The following TMEM8B variants were observed in gnomAD, a reference collection of about 807,000 sequenced individuals.
TMEM8B encodes nasopharyngeal carcinoma expressed 6.
In TMEM8B, 29 loss-of-function variants were observed where a neutral mutation model predicts 49.3. The ratio of observed to expected loss-of-function variants is 0.59; its 90% confidence interval spans 0.44 to 0.80. The LOEUF (loss-of-function observed/expected upper bound fraction) is 0.80. Ranked by LOEUF, TMEM8B falls within the 30% of genes least tolerant of loss-of-function variation. TMEM8B has a pLI of 0.00. For missense variants in TMEM8B, 575 were observed against 658.5 expected (o/e 0.87, Z 1.39); for synonymous variants, 264 against 272.8 (o/e 0.97, Z 0.32).
At chr9:35,844,042 G>A (rs545863787) in intron 6 of TMEM8B, among the ~76,000 whole-genome samples, 8 of 152,312 alleles carry the variant, frequency 5.3e-5, no homozygotes, top group Admixed American at 4.6e-4. Flanking sequence ...GGGTTTACAA[G>A]TGTGAGCCAC....
Position 35,853,110 on chromosome 9 carries a change from C to T in TMEM8B, c.2323-31C>T, listed in dbSNP as rs1157709040. 1.6e-5 allele frequency: 26 copies of T among 1,610,816 alleles called. No homozygotes were observed. In the Admixed American group the frequency reaches 4.3e-4, roughly 27 times the overall value. ...CCTGGAGTGCTGTCTGTCACCTGGC[C>T]CTAGCCCAGCCCTTGAGTCTCTTTC... On this transcript the variant is annotated intron_variant, in intron 11 of 12. Coordinates refer to ENST00000643932, the MANE Select transcript of TMEM8B (RefSeq NM_001042590.4). The surrounding 1 kb of genome is among the most constrained non-coding windows in gnomAD (Gnocchi z 4.2).
At position 35,838,266 on chromosome 9, in the gene TMEM8B, A is replaced by G. The variant is rs1377158150; in HGVS notation, c.907-2868A>G. On this transcript the variant is annotated intron_variant, in intron 3 of 12. Transcript: ENST00000643932. ...TCCTCTTCCATTCTTCCAGTCTCCAATTCCCCGCCCCAGAGTTAACTAGTA... is the reference window on the plus strand; with the variant it reads ...TCCTCTTCCATTCTTCCAGTCTCCAGTTCCCCGCCCCAGAGTTAACTAGTA... 2.6e-5 allele frequency among the ~76,000 whole-genome samples: 4 copies of G among 152,232 alleles called. No individual in the cohort carries two copies. The East Asian group carries it at 7.7e-4, about 29-fold the overall frequency.
In TMEM8B at chr9:35,852,808, C is replaced by T. The variant is rs201256968; in HGVS notation, c.2176-19C>T. 21 of 1,614,034 alleles carry T rather than the reference C, an allele frequency of 1.3e-5. No homozygotes were observed. The highest frequency in any genetic ancestry group is 4.0e-5 in the African/African-American group (3 of 75,030). On this transcript the variant is annotated intron_variant, in intron 10 of 12. Transcript: ENST00000643932. ...CCTCTGCCTCAAGTTCTCTCAATGC[C>T]TGTCATTTCTTCCTTCAGTTCTATC...
Position 35,837,772 on chromosome 9 carries a change from A to G in TMEM8B, c.906+2554A>G, listed in dbSNP as rs183401214. Among the ~76,000 whole-genome samples, 29 of 151,890 alleles carry G rather than the reference A, an allele frequency of 1.9e-4. No individual in the cohort carries two copies. In the South Asian group the frequency reaches 2.5e-3, roughly 13 times the overall value. ...GTCCTTTCCTTGTCCCTTTCTTCCT[A>G]TCAGCCACTCTGTCTTGTCCCCGGC... On this transcript the variant is annotated intron_variant, in intron 3 of 12. Transcript: ENST00000643932.
intron 3 of TMEM8B, 140 bp downstream of exon 3, chr9:35,835,358 A>G (rs949735853): frequency 2.5e-6 from 1 of 399,934 alleles, no homozygotes; most frequent in African/African-American, 2.1e-5. Flanking sequence ...GGCATGGCTA[A>G]AGGCCAGCAG....
chr9:35,842,688 G>T lies in TMEM8B; in HGVS notation c.1606G>T (p.Val536Phe). Residue 536 changes from valine (V) to phenylalanine (F), a missense_variant, in exon 6 of 13, where the codon GTC (valine) becomes TTC (phenylalanine). Physicochemically the swap from Val to Phe is conservative, Grantham distance 50. Transcript: ENST00000643932. This position sits in a 1 kb window ranked among gnomAD's most constrained non-coding sequence, Gnocchi z 5.6. ...RLLPVLDSGG[V>F]LSLELQLNAS... ...GTTGCCAGTGCTGGACAGTGGAGGC[G>T]TCCTCAGCCTGGAGCTCCAGCTCAA... 1 of 1,613,688 alleles carries T rather than the reference G, an allele frequency of 6.2e-7. No homozygotes were observed. Among genetic ancestry groups the T allele is most frequent in the Non-Finnish European group, 8.5e-7 (1 of 1,179,770 alleles).
Position 35,860,239 on chromosome 9 carries a change from G to T in TMEM8B, c.*6399G>T, listed in dbSNP as rs1292718082. ...CTAGGCTCCTCTCTGCTCTCCCCAG[G>T]ATGGGGTCAGAGGAGACAGCAGAGA... On this transcript the variant is annotated 3_prime_UTR_variant, in exon 13 of 13. Transcript: ENST00000643932. 6.6e-6 allele frequency: 1 copy of T among 152,360 alleles called. No individual in the cohort carries two copies. The highest frequency in any genetic ancestry group is 1.5e-5 in the Non-Finnish European group (1 of 68,042). The allele number at this position is 152,360 out of a possible 1,614,324, so 9.4% of individuals were successfully genotyped here.
Position 35,861,083 on chromosome 9 carries a change from T to C in TMEM8B, c.*7243T>C, listed in dbSNP as rs1185197912. 3 of 152,284 alleles carry C rather than the reference T, an allele frequency of 2.0e-5. No individual in the cohort carries two copies. The highest frequency in any genetic ancestry group is 4.4e-5 in the Non-Finnish European group (3 of 68,098). The allele number at this position is 152,284 out of a possible 1,614,324, so 9.4% of individuals were successfully genotyped here. On this transcript the variant is annotated 3_prime_UTR_variant, in exon 13 of 13. Transcript: ENST00000643932. ...AAAAATAGGAGCTGAGTGTGAACTT[T>C]TATCACTCAGAAGATATAATCCACC...
intron 2 of TMEM8B, 63 bp from the exon 3 acceptor site, chr9:35,834,948 C>T (rs960995459): frequency 7.2e-6 from 3 of 415,378 alleles, no homozygotes; most frequent in Non-Finnish European, 1.3e-5. Flanking sequence ...TTCTTTCTTT[C>T]TTTCATTTCC....
chr9:35,838,912 T>A (rs1396020491), intron 3 of TMEM8B, among the ~76,000 whole-genome samples: 2 of 152,272 alleles, frequency 1.3e-5, no homozygotes, highest in Non-Finnish European at 2.9e-5. Flanking sequence ...TCTCCAGCTC[T>A]TCATTTCCAC....
intron 3 of TMEM8B, among the ~76,000 whole-genome samples, chr9:35,837,682 G>T (rs1830571686): frequency 6.6e-6 from 1 of 152,220 alleles, no homozygotes; most frequent in African/African-American, 2.4e-5. Flanking sequence ...CAGACCCTGT[G>T]TCTGTGTTAT....
chr9:35,831,475 A>G (rs967964546), intron 1 of TMEM8B, among the ~76,000 whole-genome samples: 1 of 152,204 alleles, frequency 6.6e-6, no homozygotes, highest in African/African-American at 2.4e-5. Flanking sequence ...ATCCCCAGCC[A>G]GTGCCTTTGA....
At position 35,845,962 on chromosome 9, in the gene TMEM8B, C is replaced by G; in HGVS notation, c.1636-13C>G. On this transcript the variant is annotated splice_polypyrimidine_tract_variant and intron_variant, in intron 6 of 12. Coordinates refer to ENST00000643932, the MANE Select transcript of TMEM8B (RefSeq NM_001042590.4). ...GGATGTGGCGGCCTCACTTCCATAC[C>G]TGCCCTCCCCAGAGCTCCGTGCGCC... is the stretch of plus-strand genomic sequence containing the variant. The G allele has an allele frequency of 6.2e-7, 1 of 1,613,708 alleles. No individual in the cohort carries two copies. Among genetic ancestry groups the G allele is most frequent in the Non-Finnish European group, 8.5e-7 (1 of 1,179,782 alleles).
intron 1 of TMEM8B, chr9:35,833,300 G>A (rs938006468): frequency 4.8e-5 from 47 of 985,212 alleles, no homozygotes; most frequent in Non-Finnish European, 5.2e-5. Flanking sequence ...GGTCTGTCCT[G>A]AAGCTGCTGA....
At position 35,846,582 on chromosome 9, in the gene TMEM8B, AT is replaced by A; in HGVS notation, c.1968del (p.Leu657CysfsTer37). 6.4e-7 allele frequency: 1 copy of A among 1,572,188 alleles called. No homozygotes were observed. Among genetic ancestry groups the A allele is most frequent in the Admixed American group, 1.9e-5 (1 of 52,994 alleles). On this transcript the variant is annotated frameshift_variant, in exon 9 of 13. Transcript: ENST00000643932. LOFTEE classifies it high-confidence loss of function. Reference sequence around the variant, plus strand: ...TGCAAGCTGCTGCGCACACACAATTATCTGTACGCAGCCTGCGAGTGCAAGG... The same window carrying A: ...TGCAAGCTGCTGCGCACACACAATTACTGTACGCAGCCTGCGAGTGCAAGG... ...GQCKLLRTHN[Y>X]LYAACECKAG...
In TMEM8B at chr9:35,841,303, T is replaced by G; in HGVS notation, c.1040+36T>G. The G allele has an allele frequency of 2.4e-6, 1 of 416,418 alleles. No individual in the cohort carries two copies. Among genetic ancestry groups the G allele is most frequent in the Non-Finnish European group, 4.4e-6 (1 of 226,926 alleles). 25.8% of individuals were successfully genotyped at this position (416,418 alleles called of 1,614,324 possible). A position where few individuals can be genotyped will look rare whatever the true frequency, so the allele number is the denominator to read the frequency against. On this transcript the variant is annotated intron_variant, in intron 4 of 12. Coordinates refer to ENST00000643932, the MANE Select transcript of TMEM8B (RefSeq NM_001042590.4). This position sits in a 1 kb window ranked among gnomAD's most constrained non-coding sequence, Gnocchi z 5.9. The stretch of plus-strand genomic sequence containing the variant: ...GACTCCCCACACCTGGTCCTTTCCC[T>G]CTTCTGTGGCCTCATACAGGCTGCA...
chr9:35,829,255 C>T lies in TMEM8B; in HGVS notation c.-193C>T, dbSNP rs1829578790. Reference sequence around the variant, plus strand: ...GCCGACGTCAAGTCGAGGCCGCCGCCGCGGGGCCTGGTTATCGCCGGTTCA... The same window carrying T: ...GCCGACGTCAAGTCGAGGCCGCCGCTGCGGGGCCTGGTTATCGCCGGTTCA... On this transcript the variant is annotated 5_prime_UTR_variant, in exon 1 of 13. Coordinates refer to ENST00000643932, the MANE Select transcript of TMEM8B (RefSeq NM_001042590.4). 2.8e-6 allele frequency: 1 copy of T among 353,172 alleles called. No individual in the cohort carries two copies. The highest frequency in any genetic ancestry group is 2.1e-5 in the African/African-American group (1 of 46,766). The allele number at this position is 353,172 out of a possible 1,614,324, so 21.9% of individuals were successfully genotyped here.
chr9:35,858,108 CT>C lies in TMEM8B; in HGVS notation c.*4282del, dbSNP rs11392556. ...GCTGTTCCATTTTTTTTCTTTCTTT[CT>C]TTTTTTTTTTTTTGAGACGGAGTCT... On this transcript the variant is annotated 3_prime_UTR_variant, in exon 13 of 13. Coordinates refer to ENST00000643932, the MANE Select transcript of TMEM8B (RefSeq NM_001042590.4). 63 of 142,136 alleles carry C rather than the reference CT, an allele frequency of 4.4e-4. No individual in the cohort carries two copies. The highest frequency in any genetic ancestry group is 4.7e-4 in the Non-Finnish European group (31 of 66,060). The allele number at this position is 142,136 out of a possible 1,614,324, so 8.8% of individuals were successfully genotyped here.
intron 10 of TMEM8B, among the ~76,000 whole-genome samples, chr9:35,849,974 A>G (rs376832626): frequency 2.0e-4 from 30 of 152,316 alleles, no homozygotes; most frequent in African/African-American, 7.2e-4. Flanking sequence ...GTCCTTGCTG[A>G]TTGCTGGCAT....
Sources: allele counts gnomAD v4.1 joint callset (sites outside exome capture counted in the v4.1 genomes callset), GRCh38; gene constraint gnomAD v4.1.1; non-coding constraint Gnocchi (gnomAD v3.1); transcripts MANE v1.5; gene names NCBI Gene and HGNC (gene_info 2026-07-23, HGNC 2026-07-21).